JAZF1: variants seen among roughly 807,000 people sequenced by gnomAD.
JAZF1 encodes JAZF zinc finger 1.
A neutral mutation model predicts 26.4 loss-of-function variants in JAZF1; 8 were observed. The observed-to-expected ratio is 0.30, with a 90% CI of 0.18 to 0.55. The LOEUF is 0.55. JAZF1 is among the 20% of genes least tolerant of loss of function. The probability of loss-of-function intolerance (pLI) is 0.94; values close to 1 mark genes in which losing one functional copy is unlikely to be tolerated. For missense variants in JAZF1, 199 were observed against 322.0 expected (o/e 0.62, Z 2.92); for synonymous variants, 126 against 122.3 (o/e 1.03, Z -0.20).
chr7:28,050,400 G>A (rs1407118160), intron 1 of JAZF1, among the ~76,000 whole-genome samples: 2 of 152,166 alleles, frequency 1.3e-5, no homozygotes, highest in African/African-American at 4.8e-5. Flanking sequence ...AAAATGTCCT[G>A]ATTTTAGACA....
intron 2 of JAZF1, among the ~76,000 whole-genome samples, chr7:27,982,232 AATCGGGACAC>A (rs1785600184): frequency 2.0e-5 from 3 of 152,190 alleles, no homozygotes; most frequent in African/African-American, 7.2e-5. Context: ...GTACCTGGAA[AATCGGGACAC>A]TCCCATCCTA....
intron 2 of JAZF1, among the ~76,000 whole-genome samples, chr7:27,970,446 A>C (rs1785355493): frequency 6.6e-6 from 1 of 152,164 alleles, no homozygotes; most frequent in Non-Finnish European, 1.5e-5. Flanking sequence ...AACAAAACAA[A>C]ACAAAACAAA....
chr7:27,964,785 A>C (rs1785246502), intron 2 of JAZF1, among the ~76,000 whole-genome samples: 1 of 151,992 alleles, frequency 6.6e-6, no homozygotes, highest in Middle Eastern at 3.2e-3. Context: ...GTCACCTCAG[A>C]TGCCAACAAT....
chr7:28,132,550 A>T, intron 1 of JAZF1, among the ~76,000 whole-genome samples: 1 of 152,188 alleles, frequency 6.6e-6, no homozygotes. Context: ...TTGCGACGGC[A>T]ATTGGAGCTA....
At chr7:28,145,106 C>T (rs553462720) in intron 1 of JAZF1, among the ~76,000 whole-genome samples, 7 of 152,054 alleles carry the variant, frequency 4.6e-5, no homozygotes, top group African/African-American at 1.7e-4. Flanking sequence ...ATAAAGAAAC[C>T]AAGAGATCAA....
At chr7:27,928,267 T>C (rs991837518) in intron 2 of JAZF1, among the ~76,000 whole-genome samples, 3 of 152,236 alleles carry the variant, frequency 2.0e-5, no homozygotes, top group Non-Finnish European at 2.9e-5. Context: ...AAACTTTTCA[T>C]TGCCAGTGCA....
At position 28,031,362 on chromosome 7, in the gene JAZF1, G is replaced by A. The variant is rs150754033; in HGVS notation, c.116-39381C>T. Among the ~76,000 whole-genome samples the A allele has an allele frequency of 3.2e-3, 491 of 152,306 alleles. 4 individuals carry two copies. The highest frequency in any genetic ancestry group is 0.011 in the African/African-American group (468 of 41,566). On this transcript the variant is annotated intron_variant, in intron 1 of 4. Coordinates refer to ENST00000283928, the MANE Select transcript of JAZF1 (RefSeq NM_175061.4). ...ATAGAACAAACACCGGCATGGTGAT[G>A]GTGGGGGATGACAGATGTTGAGTGG...
At chr7:27,960,909 G>T (rs1785175113) in intron 2 of JAZF1, among the ~76,000 whole-genome samples, 1 of 152,180 alleles carries the variant, frequency 6.6e-6, no homozygotes, top group South Asian at 2.1e-4. Flanking sequence ...TAAGAATGAG[G>T]AGTCCAAGAG....
At chr7:27,972,014 C>A (rs1785382204) in intron 2 of JAZF1, among the ~76,000 whole-genome samples, 2 of 151,896 alleles carry the variant, frequency 1.3e-5, no homozygotes, top group South Asian at 4.2e-4. Context: ...GTACTACCTA[C>A]TGTGTAACAG....
intron 2 of JAZF1, among the ~76,000 whole-genome samples, chr7:27,899,181 G>A (rs1195967791): frequency 1.3e-5 from 2 of 152,258 alleles, no homozygotes; most frequent in Admixed American, 6.5e-5. Flanking sequence ...AAGGTGGGCA[G>A]ATTCCTAGTG....
At chr7:28,159,175 G>A (rs114237652) in intron 1 of JAZF1, among the ~76,000 whole-genome samples, 252 of 152,114 alleles carry the variant, frequency 1.7e-3, no homozygotes, top group African/African-American at 5.8e-3. Flanking sequence ...AGCTGACATG[G>A]AGAGAGAAAG....
chr7:27,900,802 G>C (rs1047591270), intron 2 of JAZF1, among the ~76,000 whole-genome samples: 1 of 151,964 alleles, frequency 6.6e-6, no homozygotes, highest in Non-Finnish European at 1.5e-5. Flanking sequence ...TTTTTTAATT[G>C]ACCAACACAC....
chr7:27,846,933 T>G (rs1449930976), intron 3 of JAZF1, among the ~76,000 whole-genome samples: 1 of 152,156 alleles, frequency 6.6e-6, no homozygotes, highest in Non-Finnish European at 1.5e-5. Context: ...TCCTTTGCTG[T>G]GCAGAAGCTT....
chr7:27,952,597 G>A (rs1785028994), intron 2 of JAZF1, among the ~76,000 whole-genome samples: 1 of 152,222 alleles, frequency 6.6e-6, no homozygotes, highest in African/African-American at 2.4e-5. Context: ...TCCCAAAGTG[G>A]CTGAGCTGTA....
At chr7:28,009,628 C>T (rs769367099) in intron 1 of JAZF1, among the ~76,000 whole-genome samples, 4 of 152,048 alleles carry the variant, frequency 2.6e-5, no homozygotes, top group Admixed American at 6.5e-5. Context: ...GGACTACAGG[C>T]GCATGTCACC....
intron 1 of JAZF1, among the ~76,000 whole-genome samples, chr7:27,998,022 G>A (rs1008850830): frequency 2.0e-5 from 3 of 148,074 alleles, no homozygotes; most frequent in African/African-American, 2.5e-5. Flanking sequence ...AGGAATGGGG[G>A]GAAGAAGGAA....
chr7:27,941,112 T>G (rs1784839991), intron 2 of JAZF1, among the ~76,000 whole-genome samples: 1 of 152,200 alleles, frequency 6.6e-6, no homozygotes, highest in Admixed American at 6.5e-5. Context: ...GATGCACAAT[T>G]TCTGTTTGGA....
intron 2 of JAZF1, among the ~76,000 whole-genome samples, chr7:27,930,763 C>G (rs1225346783): frequency 6.6e-6 from 1 of 151,872 alleles, no homozygotes; most frequent in East Asian, 1.9e-4. Context: ...TTTTAAGAAA[C>G]TATATTTATA....
chr7:27,866,395 G>A (rs1036592500), intron 3 of JAZF1, among the ~76,000 whole-genome samples: 1 of 152,154 alleles, frequency 6.6e-6, no homozygotes, highest in Non-Finnish European at 1.5e-5. Context: ...GAGGCACTTG[G>A]GAGCAGGCAT....
Sources: gnomAD v4.1 joint callset for allele counts (sites outside exome capture counted in the v4.1 genomes callset) on GRCh38, gnomAD v4.1.1 for gene constraint, MANE v1.5 for transcripts, NCBI Gene and HGNC (gene_info 2026-07-23, HGNC 2026-07-21) for gene names.